TMEM71: variants seen among roughly 807,000 people sequenced by gnomAD.
The protein encoded by TMEM71 is transmembrane protein 71.
Under a neutral mutation model 38.0 loss-of-function variants are expected in TMEM71, and 44 were observed. The ratio of observed to expected loss-of-function variants is 1.16; its 90% CI spans 0.91 to 1.49. The LOEUF is 1.49. Ranked by LOEUF, TMEM71 falls within the 40% of genes most tolerant of loss-of-function variation. TMEM71 has a pLI of 0.00. For synonymous variants in TMEM71, 133 were observed against 122.5 expected (o/e 1.09, Z -0.56); for missense variants, 367 against 348.6 (o/e 1.05, Z -0.42).
At chr8:132,723,722 C>T (rs1826975608) in intron 6 of TMEM71, among the ~76,000 whole-genome samples, 1 of 152,180 alleles carries the variant, frequency 6.6e-6, no homozygotes, top group African/African-American at 2.4e-5. Flanking sequence ...CTTGAGGAAT[C>T]ACCTCTCCCC....
chr8:132,728,887 GAAATTCTGCCTCTATA>G (rs943761351), intron 5 of TMEM71, among the ~76,000 whole-genome samples: 6 of 152,296 alleles, frequency 3.9e-5, no homozygotes, highest in African/African-American at 1.4e-4. Flanking sequence ...TGTCATGAAG[GAAATTCTGCCTCTATA>G]AAATACATTG....
intron 7 of TMEM71, among the ~76,000 whole-genome samples, chr8:132,715,878 T>C (rs553558223): frequency 1.3e-5 from 2 of 152,326 alleles, no homozygotes; most frequent in African/African-American, 4.8e-5. Context: ...AGAGAAATAA[T>C]TTGTTCTGAC....
chr8:132,736,199 T>A lies in TMEM71; in HGVS notation c.488-8213A>T, dbSNP rs191665264. ...TTCAACGTTCACTGTTGCTCTGTGC[T>A]AGCAGCATTTCCTACCCTACCCTAC... On this transcript the variant is annotated intron_variant, in intron 5 of 9. Coordinates refer to ENST00000677595, the MANE Select transcript of TMEM71 (RefSeq NM_001382403.1). 9.8e-4 allele frequency among the ~76,000 whole-genome samples: 149 copies of A among 152,300 alleles called. 1 individual carries two copies. The highest frequency in any genetic ancestry group is 3.5e-3 in the African/African-American group (145 of 41,562).
intron 5 of TMEM71, among the ~76,000 whole-genome samples, chr8:132,732,993 G>A (rs189323354): frequency 4.8e-4 from 73 of 152,254 alleles, no homozygotes; most frequent in African/African-American, 1.5e-3. Flanking sequence ...GAGTCCTTTC[G>A]ACAACTCTGG....
the TMEM71 span, among the ~76,000 whole-genome samples, chr8:132,765,929 C>G: frequency 6.6e-6 from 1 of 152,178 alleles, no homozygotes; most frequent in East Asian, 1.9e-4. Flanking sequence ...GCTGGGATTA[C>G]AGGCACCCGC....
chr8:132,718,323 C>A (rs76532804), intron 7 of TMEM71, among the ~76,000 whole-genome samples: 2 of 151,876 alleles, frequency 1.3e-5, no homozygotes, highest in African/African-American at 4.8e-5. Flanking sequence ...TTTGAAAAGG[C>A]CTGGCCAGGT....
chr8:132,747,245 A>C, intron 4 of TMEM71, 131 bp from the exon 5 acceptor site: 1 of 812,488 alleles, frequency 1.2e-6, no homozygotes, highest in Non-Finnish European at 1.8e-6. Context: ...AAGTTTCTCA[A>C]AATTCTACTG....
intron 7 of TMEM71, 133 bp downstream of exon 7, chr8:132,721,907 G>T: frequency 1.3e-6 from 1 of 788,060 alleles, no homozygotes; most frequent in Non-Finnish European, 2.3e-6. Flanking sequence ...AACTTATCAT[G>T]GACAGACACA....
chr8:132,760,213 A>T (rs1173007527), intron 1 of TMEM71: 1 of 152,034 alleles, frequency 6.6e-6, no homozygotes, highest in Non-Finnish European at 1.5e-5. Flanking sequence ...TCAGTTACAG[A>T]TCTAAAACTT....
At chr8:132,737,565 C>A (rs569628791) in intron 5 of TMEM71, among the ~76,000 whole-genome samples, 2 of 152,366 alleles carry the variant, frequency 1.3e-5, no homozygotes, top group South Asian at 4.1e-4. Flanking sequence ...CAAATCCTGG[C>A]TATGCGACTT....
intron 5 of TMEM71, among the ~76,000 whole-genome samples, chr8:132,733,317 A>G (rs1403760227): frequency 6.6e-6 from 1 of 152,192 alleles, no homozygotes; most frequent in African/African-American, 2.4e-5. Context: ...AAGGGGTAGG[A>G]GGCTAAGATA....
chr8:132,726,171 C>T (rs1827130244), intron 6 of TMEM71, among the ~76,000 whole-genome samples: 1 of 152,000 alleles, frequency 6.6e-6, no homozygotes, highest in Non-Finnish European at 1.5e-5. Context: ...AGGGTGGGCT[C>T]CCTGGAGGAG....
At chr8:132,764,793 G>C (rs1446880555), upstream of TMEM71, among the ~76,000 whole-genome samples, 1 of 152,226 alleles carries the variant, frequency 6.6e-6, no homozygotes, top group East Asian at 1.9e-4. Flanking sequence ...AATGAGCCAA[G>C]TTTCTGTCCA....
At chr8:132,770,250 A>C in the TMEM71 span, among the ~76,000 whole-genome samples, 1 of 152,228 alleles carries the variant, frequency 6.6e-6, no homozygotes, top group Non-Finnish European at 1.5e-5. Context: ...GTAAATTGTA[A>C]TTTGGAGTTA....
intron 5 of TMEM71, among the ~76,000 whole-genome samples, chr8:132,741,252 A>G (rs1828017694): frequency 6.6e-6 from 1 of 152,064 alleles, no homozygotes; most frequent in African/African-American, 2.4e-5. Context: ...AATCCCAGCT[A>G]CTCGGGAGGC....
At chr8:132,760,331 T>C (rs1829260656) in intron 1 of TMEM71, 145 bp downstream of exon 1, 1 of 152,246 alleles carries the variant, frequency 6.6e-6, no homozygotes, top group Non-Finnish European at 1.5e-5. Flanking sequence ...CTTCTTCCAA[T>C]TGACAAAGGA....
intron 7 of TMEM71, 125 bp from the exon 8 acceptor site, chr8:132,714,340 G>A: frequency 2.7e-6 from 2 of 746,618 alleles, no homozygotes; most frequent in East Asian, 2.5e-5. Context: ...AATAAAGACA[G>A]TGGTATTGGA....
downstream of TMEM71, among the ~76,000 whole-genome samples, chr8:132,706,605 A>C (rs1181571509): frequency 6.6e-6 from 1 of 152,208 alleles, no homozygotes; most frequent in Admixed American, 6.5e-5. Flanking sequence ...TCCTTCATAT[A>C]TATAAATGCT....
At chr8:132,725,362 A>T (rs950244896) in intron 6 of TMEM71, among the ~76,000 whole-genome samples, 3 of 152,194 alleles carry the variant, frequency 2.0e-5, no homozygotes, top group African/African-American at 4.8e-5. Flanking sequence ...ACAAGGTCTC[A>T]CTATGTCACC....
Sources: gnomAD v4.1 joint callset for allele counts (sites outside exome capture counted in the v4.1 genomes callset) on GRCh38, gnomAD v4.1.1 for gene constraint, MANE v1.5 for transcripts, NCBI Gene and HGNC (gene_info 2026-07-23, HGNC 2026-07-21) for gene names.